The following ROBO1 variants were observed in gnomAD, a reference collection of about 807,000 sequenced individuals.
ROBO1 encodes roundabout homolog 1.
Under a neutral mutation model 195.9 loss-of-function variants are expected in ROBO1, and 149 were observed. The ratio of observed to expected loss-of-function variants is 0.76; its 90% CI spans 0.67 to 0.87. The LOEUF is 0.87. ROBO1 is among the 40% of genes least tolerant of loss of function. ROBO1 has a pLI of 0.00. For synonymous variants in ROBO1, 816 were observed against 733.2 expected (o/e 1.11, Z -1.82); for missense variants, 1,933 against 2,068.3 (o/e 0.93, Z 1.27).
At chr3:79,602,638 A>T (rs1944371126) in intron 1 of ROBO1, among the ~76,000 whole-genome samples, 1 of 152,068 alleles carries the variant, frequency 6.6e-6, no homozygotes, top group Non-Finnish European at 1.5e-5. Context: ...ATGAAAATGC[A>T]GTTGGATTGC....
At chr3:79,222,216 G>T (rs2082152890) in intron 2 of ROBO1, among the ~76,000 whole-genome samples, 1 of 151,796 alleles carries the variant, frequency 6.6e-6, no homozygotes, top group African/African-American at 2.4e-5. Context: ...TGTTTTCCTA[G>T]ACAAAACCAA....
chr3:79,135,865 G>C (rs920609398), intron 2 of ROBO1, among the ~76,000 whole-genome samples: 4 of 152,132 alleles, frequency 2.6e-5, no homozygotes, highest in African/African-American at 4.8e-5. Context: ...TCGAACTCCA[G>C]GCCTCAGGTG....
At chr3:78,663,299 C>T (rs1707538605) in intron 14 of ROBO1, among the ~76,000 whole-genome samples, 1 of 151,320 alleles carries the variant, frequency 6.6e-6, no homozygotes, top group Admixed American at 6.6e-5. Context: ...TTATACTTAA[C>T]CTAGAAATTA....
chr3:78,858,021 G>A (rs1343150880), intron 4 of ROBO1, among the ~76,000 whole-genome samples: 2 of 152,058 alleles, frequency 1.3e-5, no homozygotes, highest in African/African-American at 4.8e-5. Flanking sequence ...CTGATATATT[G>A]TCAAGATTTG....
intron 2 of ROBO1, among the ~76,000 whole-genome samples, chr3:79,316,250 G>A (rs1043293401): frequency 6.6e-6 from 1 of 152,150 alleles, no homozygotes; most frequent in Non-Finnish European, 1.5e-5. Context: ...GGAGGTTCAA[G>A]AATGGAAATA....
At chr3:79,075,850 G>T (rs2079164209) in intron 3 of ROBO1, among the ~76,000 whole-genome samples, 1 of 151,688 alleles carries the variant, frequency 6.6e-6, no homozygotes, top group Non-Finnish European at 1.5e-5. Flanking sequence ...AATTTATATT[G>T]TCTAGTATAA....
At chr3:79,265,089 C>T (rs1159311136) in intron 2 of ROBO1, among the ~76,000 whole-genome samples, 1 of 151,718 alleles carries the variant, frequency 6.6e-6, no homozygotes, top group Non-Finnish European at 1.5e-5. Context: ...ATTAGAAATA[C>T]CATCCAAAAT....
Position 79,700,317 on chromosome 3 carries a change from TTGTGTGTGTGTG to T in ROBO1, c.-51+67423_-51+67434del, listed in dbSNP as rs71130610. ...TGTGTGTGTGTTTGTGTGTGTGTGT[TTGTGTGTGTGTG>T]TGTGTGTGTGTGTGTGTGTCTTTCT... On this transcript the variant is annotated intron_variant, in intron 1 of 30. Coordinates refer to ENST00000464233, the MANE Select transcript of ROBO1 (RefSeq NM_002941.4). Among the ~76,000 whole-genome samples, 1,281 of 144,252 alleles carry T rather than the reference TTGTGTGTGTGTG, an allele frequency of 8.9e-3. 26 individuals are homozygous for T. The highest frequency in any genetic ancestry group is 0.031 in the African/African-American group (1,208 of 38,694). 94.6% of individuals were successfully genotyped at this position (144,252 alleles called of 152,430 possible).
At chr3:79,242,192 A>T (rs2082532003) in intron 2 of ROBO1, among the ~76,000 whole-genome samples, 2 of 152,096 alleles carry the variant, frequency 1.3e-5, no homozygotes, top group East Asian at 1.9e-4. Context: ...ATGGCAGAGA[A>T]ATAAGATAAA....
At chr3:78,659,116 C>T (rs941802521) in intron 17 of ROBO1, among the ~76,000 whole-genome samples, 5 of 152,154 alleles carry the variant, frequency 3.3e-5, no homozygotes, top group Admixed American at 1.3e-4. Context: ...TATCCTGTCA[C>T]TCCTCAGTAT....
intron 2 of ROBO1, among the ~76,000 whole-genome samples, chr3:79,541,049 T>G (rs1340836854): frequency 6.6e-6 from 1 of 152,096 alleles, no homozygotes; most frequent in Admixed American, 6.6e-5. Flanking sequence ...AACCTCAATA[T>G]CCTGGATGGA....
At chr3:78,724,513 TAAAA>T (rs138643700) in intron 5 of ROBO1, among the ~76,000 whole-genome samples, 13 of 89,634 alleles carry the variant, frequency 1.5e-4, no homozygotes, top group Admixed American at 2.4e-4. Flanking sequence ...CCATCTCTAC[TAAAA>T]AAAAAAAAAA....
chr3:79,414,284 G>C (rs1454191895), intron 2 of ROBO1, among the ~76,000 whole-genome samples: 2 of 151,102 alleles, frequency 1.3e-5, no homozygotes, highest in Non-Finnish European at 1.5e-5. Context: ...TCAACAGTAG[G>C]TATACAGCTC....
At chr3:79,402,206 A>G (rs2037391594) in intron 2 of ROBO1, among the ~76,000 whole-genome samples, 1 of 151,910 alleles carries the variant, frequency 6.6e-6, no homozygotes, top group African/African-American at 2.4e-5. Flanking sequence ...CTCGATTTGA[A>G]TTAGATTTTT....
chr3:79,421,326 A>C (rs1350056017), intron 2 of ROBO1, among the ~76,000 whole-genome samples: 2 of 152,022 alleles, frequency 1.3e-5, no homozygotes, highest in Non-Finnish European at 2.9e-5. Flanking sequence ...CCCATGACAC[A>C]CAACTTATCT....
intron 8 of ROBO1, among the ~76,000 whole-genome samples, chr3:78,704,702 C>T (rs1156539220): frequency 6.8e-6 from 1 of 146,932 alleles, no homozygotes; most frequent in Non-Finnish European, 1.5e-5. Context: ...AGAAATTAGG[C>T]AGGCATGGTG....
Position 79,113,382 on chromosome 3 carries a change from T to C in ROBO1, c.172+12074A>G, listed in dbSNP as rs367999167. 3.0e-4 allele frequency among the ~76,000 whole-genome samples: 45 copies of C among 151,742 alleles called. 1 individual carries two copies. The Middle Eastern group carries it at 0.01, about 34-fold the overall frequency. On this transcript the variant is annotated intron_variant, in intron 3 of 30. Transcript: ENST00000464233. ...CACATTGTCTTCCTGGCCCATTGAG[T>C]GAGGTTTTTTTTTTTAATAGAAAGA...
At chr3:79,281,155 G>C (rs1255771009) in intron 2 of ROBO1, among the ~76,000 whole-genome samples, 1 of 152,212 alleles carries the variant, frequency 6.6e-6, no homozygotes, top group African/African-American at 2.4e-5. Flanking sequence ...TTTTAGAGTA[G>C]TAAATCTTTG....
intron 3 of ROBO1, among the ~76,000 whole-genome samples, chr3:79,038,956 C>T (rs555463086): frequency 6.6e-6 from 1 of 152,276 alleles, no homozygotes; most frequent in African/African-American, 2.4e-5. Context: ...ATAGAGGCTG[C>T]TCCTTTCTCT....
Sources: gnomAD v4.1 joint callset for allele counts (sites outside exome capture counted in the v4.1 genomes callset) on GRCh38, gnomAD v4.1.1 for gene constraint, MANE v1.5 for transcripts, NCBI Gene and HGNC (gene_info 2026-07-23, HGNC 2026-07-21) for gene names.